Variants in MGAM observed in about 807,000 individuals in gnomAD.
MGAM encodes the protein alpha-1,4-glucosidase.
MGAM carries 253 observed loss-of-function variants against 358.8 expected under a neutral mutation model. That is an observed-to-expected ratio of 0.71 (90% CI 0.64 to 0.78). The LOEUF is 0.78. Among genes scored for constraint, MGAM ranks in the 30% least tolerant of loss-of-function variants. The pLI is 0.00. For synonymous variants in MGAM, 1,105 were observed against 1,227.1 expected (o/e 0.90, Z 2.08); for missense variants, 3,080 against 3,432.6 (o/e 0.90, Z 2.57).
At chr7:142,073,149 G>C (rs76696252) in intron 44 of MGAM, among the ~76,000 whole-genome samples, 3 of 146,050 alleles carry the variant, frequency 2.1e-5, no homozygotes, top group African/African-American at 7.3e-5. Flanking sequence ...CACTGTCTGC[G>C]TTCATTTTTT....
At chr7:142,054,343 A>G (rs1298862340) in intron 26 of MGAM, among the ~76,000 whole-genome samples, 1 of 152,230 alleles carries the variant, frequency 6.6e-6, no homozygotes, top group Non-Finnish European at 1.5e-5. Flanking sequence ...CAGTTTAGAT[A>G]CCACTTTCAG....
intron 70 of MGAM, among the ~76,000 whole-genome samples, chr7:142,103,748 A>G (rs1188271879): frequency 2.6e-5 from 4 of 152,154 alleles, no homozygotes; most frequent in Non-Finnish European, 4.4e-5. Context: ...TGGAACTATC[A>G]TATTTTATCA....
At position 142,097,672 on chromosome 7, in the gene MGAM, A is replaced by G. The variant is rs1407762583; in HGVS notation, c.7749+23A>G. The stretch of plus-strand genomic sequence containing the variant: ...ACGGTAAGTTTTTCTGAATGTTTAT[A>G]CAACACGGGAAAATGGTAGAGAGTA... On this transcript the variant is annotated intron_variant, in intron 66 of 70. Coordinates refer to ENST00000475668, the MANE Select transcript of MGAM (RefSeq NM_001365693.1). The G allele has an allele frequency of 2.5e-6, 4 of 1,583,628 alleles. No individual in the cohort carries two copies. The African/African-American group carries it at 5.4e-5, about 21-fold the overall frequency.
At chr7:142,032,261 A>G (rs1807574323) in intron 13 of MGAM, among the ~76,000 whole-genome samples, 2 of 152,096 alleles carry the variant, frequency 1.3e-5, no homozygotes, top group South Asian at 4.1e-4. Flanking sequence ...AAAGTAACCT[A>G]ACTGAGGGTT....
At position 142,093,658 on chromosome 7, in the gene MGAM, T is replaced by A; in HGVS notation, c.7172+108T>A. The A allele has an allele frequency of 1.7e-6, 2 of 1,194,204 alleles. 1 individual carries two copies. Among genetic ancestry groups the A allele is most frequent in the Admixed American group, 4.6e-5 (2 of 43,122 alleles). 74.0% of individuals were successfully genotyped at this position (1,194,204 alleles called of 1,614,324 possible). On this transcript the variant is annotated intron_variant, in intron 60 of 70. Transcript: ENST00000475668. The stretch of plus-strand genomic sequence containing the variant: ...ATTCCCATTCTAAGGGTTAAGAAGA[T>A]TCTCATGACAACTGTGTAATGATTC...
At chr7:142,041,196 C>G (rs1808495720) in intron 21 of MGAM, among the ~76,000 whole-genome samples, 1 of 152,090 alleles carries the variant, frequency 6.6e-6, no homozygotes, top group Non-Finnish European at 1.5e-5. Flanking sequence ...TTACCTTATG[C>G]AAACCTCAAA....
At chr7:142,066,247 A>G (rs1208038317) in intron 40 of MGAM, among the ~76,000 whole-genome samples, 1 of 146,390 alleles carries the variant, frequency 6.8e-6, no homozygotes, top group Non-Finnish European at 1.5e-5. Context: ...GGCGTGAGCC[A>G]CTGCACCCTT....
In MGAM at chr7:142,065,412, G is replaced by A; in HGVS notation, c.4562G>A (p.Gly1521Glu). Residue 1521 changes from glycine to glutamate, a missense_variant, in exon 38 of 71, where the codon GGA becomes GAA. This residue lies in a region of MGAM where 134 missense variants were observed against 198.4 expected (regional missense o/e 0.68). Coordinates refer to ENST00000475668, the MANE Select transcript of MGAM (RefSeq NM_001365693.1). ...STFPSSGRWA[G>E]HWLGDNTAAW... ...TTTCCCTCTTCTGGCCGCTGGGCAG[G>A]ACATTGGCTGGGAGACAACACGGCC... is the stretch of plus-strand genomic sequence containing the variant. The A allele has an allele frequency of 6.2e-7, 1 of 1,610,430 alleles. No individual in the cohort carries two copies. Among genetic ancestry groups the A allele is most frequent in the Non-Finnish European group, 8.5e-7 (1 of 1,178,294 alleles).
At chr7:142,091,831 T>C in intron 57 of MGAM, 82 bp from the exon 58 acceptor site, 1 of 1,346,504 alleles carries the variant, frequency 7.4e-7, no homozygotes, top group African/African-American at 1.4e-5. Flanking sequence ...GAAGTATTTG[T>C]GCGAGTTGCA....
rs909549408 is a variant in MGAM, at chr7:142,059,952, A to G, written c.4045A>G (p.Ile1349Val). ...CATCAAATACCCAAATGATGGAGAC[A>G]TTGTCTGGGGAAAGGTATAATCCTA... ...VFIKYPNDGD[I>V]VWGKVWPDFP... Residue 1349 changes from isoleucine (I) to valine (V), a missense_variant, in exon 33 of 71, where the codon ATT becomes GTT. Transcript: ENST00000475668. 1.2e-5 allele frequency: 19 copies of G among 1,605,320 alleles called. No individual in the cohort carries two copies. The highest frequency in any genetic ancestry group is 8.0e-5 in the African/African-American group (6 of 74,790).
intron 57 of MGAM, among the ~76,000 whole-genome samples, chr7:142,089,805 G>A (rs185633953): frequency 3.4e-5 from 5 of 145,704 alleles, no homozygotes; most frequent in African/African-American, 1.2e-4. Flanking sequence ...AAAAAAGGAA[G>A]GAAAGTTATT....
chr7:142,005,761 T>C, intron 2 of MGAM, 104 bp downstream of exon 2: 1 of 1,178,052 alleles, frequency 8.5e-7, no homozygotes, highest in South Asian at 1.5e-5. Context: ...TGTATGTGTT[T>C]GTTGCGGGGG....
At chr7:142,009,554 G>A (rs1554453707) in intron 3 of MGAM, among the ~76,000 whole-genome samples, 1 of 152,144 alleles carries the variant, frequency 6.6e-6, no homozygotes, top group African/African-American at 2.4e-5. Context: ...GGGTATTGGT[G>A]CACTTCAGAT....
rs782031895 is a variant in MGAM at position 142,036,954 on chromosome 7, G to A, written c.2208G>A (p.Thr736=). 42 of 1,613,228 alleles carry A rather than the reference G, an allele frequency of 2.6e-5. No homozygotes were observed. In the Admixed American group the frequency reaches 4.5e-4, roughly 17 times the overall value. The change falls in exon 18 of 71, where the codon ACG becomes ACA. Residue 736 remains threonine, a synonymous_variant. Coordinates refer to ENST00000475668, the MANE Select transcript of MGAM (RefSeq NM_001365693.1). ...TCCGTGCTCACAGCCGAGGGGACAC[G>A]GTGGCCAGGCCCCTTTTGCATGAGT... ...LFFRAHSRGD[T]VARPLLHEFY...
chr7:142,089,983 G>A lies in MGAM; in HGVS notation c.6811-1930G>A, dbSNP rs140445345. The stretch of plus-strand genomic sequence containing the variant: ...AGCCCCATGAAAAGCAGATTTCTGA[G>A]TCCAAAGCTCCAGCAATTTAATTCA... On this transcript the variant is annotated intron_variant, in intron 57 of 70. Transcript: ENST00000475668. Among the ~76,000 whole-genome samples the A allele has an allele frequency of 3.1e-3, 459 of 146,166 alleles. 66 individuals are homozygous for A. The highest frequency in any genetic ancestry group is 5.5e-3 in the Non-Finnish European group (356 of 64,540).
intron 1 of MGAM, among the ~76,000 whole-genome samples, chr7:142,003,849 A>T (rs1482009533): frequency 6.6e-6 from 1 of 152,104 alleles, no homozygotes; most frequent in Non-Finnish European, 1.5e-5. Flanking sequence ...CAGGAAAAAA[A>T]ACACATAACC....
rs549775203 is a variant in MGAM at position 142,106,141 on chromosome 7, C to T, written c.*250C>T. On this transcript the variant is annotated 3_prime_UTR_variant, in exon 71 of 71. Transcript: ENST00000475668. ...CTCTGTGTGGTTAGTATGGTAGTGACTGTTCATCATATGACATTTACTGAA... is the reference window on the plus strand; with the variant it reads ...CTCTGTGTGGTTAGTATGGTAGTGATTGTTCATCATATGACATTTACTGAA... 5 of 329,558 alleles carry T rather than the reference C, an allele frequency of 1.5e-5. No individual in the cohort carries two copies. The highest frequency in any genetic ancestry group is 4.4e-5 in the Admixed American group (1 of 22,818). 20.4% of individuals were successfully genotyped at this position (329,558 alleles called of 1,614,324 possible). A position where few individuals can be genotyped will look rare whatever the true frequency, so the allele number is the denominator to read the frequency against.
intron 49 of MGAM, 87 bp from the exon 50 acceptor site, chr7:142,080,704 C>A: frequency 1.6e-6 from 2 of 1,219,924 alleles, no homozygotes; most frequent in Non-Finnish European, 2.3e-6. Context: ...AGCATCTGAA[C>A]TTTTGTCCAA....
At chr7:142,018,768 A>G (rs926965831) in intron 3 of MGAM, among the ~76,000 whole-genome samples, 2 of 152,236 alleles carry the variant, frequency 1.3e-5, no homozygotes, top group Admixed American at 6.5e-5. Context: ...GCATATATTT[A>G]AAAGTCAAAA....
Sources: gnomAD v4.1 joint callset for allele counts (sites outside exome capture counted in the v4.1 genomes callset) on GRCh38, gnomAD v4.1.1 for gene constraint, gnomAD v4.1.1 regional missense constraint, MANE v1.5 for transcripts, NCBI Gene and HGNC (gene_info 2026-07-23, HGNC 2026-07-21) for gene names.